The following ZNF488 variants were observed in gnomAD, a reference collection of about 807,000 sequenced individuals.
ZNF488 encodes zinc finger protein 488.
A neutral mutation model predicts 1.2 loss-of-function variants in ZNF488; 1 was observed. The observed-to-expected ratio is 0.86, with a 90% CI of 0.30 to 4.07. The LOEUF (loss-of-function observed/expected upper bound fraction) is 4.07, where lower values mean the gene tolerates loss of function less well. ZNF488 is among the 30% of genes most tolerant of loss of function. ZNF488 has a pLI of 0.18. For synonymous variants in ZNF488, 185 were observed against 190.1 expected, an observed-to-expected ratio of 0.97 and a Z score of 0.22; for missense variants, 450 against 437.9, an observed-to-expected ratio of 1.03 and a Z score of -0.25.
At chr10:47,383,880 A>C (rs547720365) in intron 1 of ZNF488, among the ~76,000 whole-genome samples, 1 of 152,166 alleles carries the variant, frequency 6.6e-6, no homozygotes, top group African/African-American at 2.4e-5. Context: ...TGCTGAAAAA[A>C]CAGGGGGGAG....
At chr10:47,377,285 T>G (rs1555214520) in intron 1 of ZNF488, among the ~76,000 whole-genome samples, 1 of 152,230 alleles carries the variant, frequency 6.6e-6, no homozygotes, top group African/African-American at 2.4e-5. Context: ...TTTGAGAAGC[T>G]GCTTATGTGT....
chr10:47,367,595 C>T lies in ZNF488; in HGVS notation c.*212G>A, dbSNP rs548144684. ...TGTTAGGGCCTCTACCCTGGATTTGCAAAGCCCATCACTTTATTTCAGGAC... is the reference window on the plus strand; with the variant it reads ...TGTTAGGGCCTCTACCCTGGATTTGTAAAGCCCATCACTTTATTTCAGGAC... On this transcript the variant is annotated 3_prime_UTR_variant, in exon 2 of 2. Coordinates refer to ENST00000585316, the MANE Select transcript of ZNF488 (RefSeq NM_153034.4). 12 of 639,926 alleles carry T rather than the reference C, an allele frequency of 1.9e-5. No individual in the cohort carries two copies. The highest frequency in any genetic ancestry group is 1.7e-4 in the African/African-American group (9 of 54,412). 39.6% of individuals were successfully genotyped at this position (639,926 alleles called of 1,614,324 possible).
At chr10:47,375,689 A>G (rs1391717795) in intron 1 of ZNF488, among the ~76,000 whole-genome samples, 11 of 152,220 alleles carry the variant, frequency 7.2e-5, no homozygotes, top group African/African-American at 2.7e-4. Flanking sequence ...ACATATGTTC[A>G]TTGTTCCACT....
chr10:47,383,220 T>A (rs1298315209), intron 1 of ZNF488, among the ~76,000 whole-genome samples: 1 of 152,268 alleles, frequency 6.6e-6, no homozygotes, highest in Admixed American at 6.5e-5. Context: ...TACTTTCAAA[T>A]GCCATAATTA....
At chr10:47,382,848 C>T (rs1477247063) in intron 1 of ZNF488, among the ~76,000 whole-genome samples, 2 of 152,148 alleles carry the variant, frequency 1.3e-5, no homozygotes, top group Non-Finnish European at 2.9e-5. Flanking sequence ...TAATAAACTA[C>T]AATATCATGT....
Position 47,368,634 on chromosome 10 carries a change from C to A in ZNF488, c.196G>T (p.Gly66Cys), listed in dbSNP as rs782703463. ...AGCTCCGCACTGCCCACATCCCGGCCCGCCCTGCCCACAGCAGCCTCAGGG... is the reference window on the plus strand; with the variant it reads ...AGCTCCGCACTGCCCACATCCCGGCACGCCCTGCCCACAGCAGCCTCAGGG... ...LGPEAAVGRA[G>C]RDVGSAELAL... Residue 66 changes from glycine (G) to cysteine (C), a missense_variant, in exon 2 of 2, where the codon GGC (glycine) becomes TGC (cysteine). Transcript: ENST00000585316. 8.1e-6 allele frequency: 13 copies of A among 1,610,496 alleles called. No homozygotes were observed. The African/African-American group carries it at 1.7e-4, about 21-fold the overall frequency.
chr10:47,368,056 C>G lies in ZNF488; in HGVS notation c.774G>C (p.Ser258=). The G allele has an allele frequency of 6.2e-7, 1 of 1,613,922 alleles. No homozygotes were observed. The highest frequency in any genetic ancestry group is 8.5e-7 in the Non-Finnish European group (1 of 1,179,954). The part of the protein sequence containing the change: ...VPPPSSSSTT[S]WALLPPTLTS... ...TGAGGGTGGGTGGCAGGAGGGCCCA[C>G]GAAGTGGTGGAGGATGATGAGGGTG... The change falls in exon 2 of 2, where the codon TCG becomes TCC. Residue 258 remains serine, a synonymous_variant. Transcript: ENST00000585316.
Position 47,366,863 on chromosome 10 carries a change from G to A in ZNF488, c.*944C>T, listed in dbSNP as rs1219625320. ...CCCCGTATTCATATACTCACAATGTGAAGAACTATGGACCAGGTATTGGCT... is the reference window on the plus strand; with the variant it reads ...CCCCGTATTCATATACTCACAATGTAAAGAACTATGGACCAGGTATTGGCT... On this transcript the variant is annotated 3_prime_UTR_variant, in exon 2 of 2. Coordinates refer to ENST00000585316, the MANE Select transcript of ZNF488 (RefSeq NM_153034.4). The A allele has an allele frequency of 1.2e-5, 2 of 167,046 alleles. No individual in the cohort carries two copies. Among genetic ancestry groups the A allele is most frequent in the African/African-American group, 4.8e-5 (2 of 41,426 alleles). 10.3% of individuals were successfully genotyped at this position (167,046 alleles called of 1,614,324 possible). A position where few individuals can be genotyped will look rare whatever the true frequency, so the allele number is the denominator to read the frequency against.
At chr10:47,383,683 T>C (rs919754088) in intron 1 of ZNF488, among the ~76,000 whole-genome samples, 7 of 152,224 alleles carry the variant, frequency 4.6e-5, no homozygotes, top group Non-Finnish European at 1.0e-4. Context: ...GTCCAGATCT[T>C]TGGATATAAT....
Position 47,366,094 on chromosome 10 carries a change from A to C in ZNF488, c.*1713T>G, listed in dbSNP as rs889930667. 2 of 167,100 alleles carry C rather than the reference A, an allele frequency of 1.2e-5. No individual in the cohort carries two copies. The highest frequency in any genetic ancestry group is 2.9e-5 in the Non-Finnish European group (2 of 68,138). The allele number at this position is 167,100 out of a possible 1,614,324, so 10.4% of individuals were successfully genotyped here. The stretch of plus-strand genomic sequence containing the variant: ...TTCCAGGGCTATTGTAGGACTCACT[A>C]TAACATCTGTATTCTTCCAGTGCTT... On this transcript the variant is annotated 3_prime_UTR_variant, in exon 2 of 2. Coordinates refer to ENST00000585316, the MANE Select transcript of ZNF488 (RefSeq NM_153034.4).
intron 1 of ZNF488, among the ~76,000 whole-genome samples, chr10:47,371,740 G>C (rs575925365): frequency 2.3e-4 from 35 of 152,166 alleles, no homozygotes; most frequent in Admixed American, 9.2e-4. Context: ...CTTCAGAGAT[G>C]CTACTTTCCT....
intron 1 of ZNF488, among the ~76,000 whole-genome samples, chr10:47,374,651 A>G (rs1210723747): frequency 2.0e-5 from 3 of 151,986 alleles, no homozygotes; most frequent in Non-Finnish European, 4.4e-5. Flanking sequence ...GGGTAGCCAG[A>G]AAAAAAAGCC....
intron 1 of ZNF488, among the ~76,000 whole-genome samples, chr10:47,378,734 C>T (rs999892523): frequency 5.9e-5 from 9 of 152,208 alleles, no homozygotes; most frequent in Admixed American, 3.9e-4. Flanking sequence ...TAAAACCTCA[C>T]GTTCCCTTTT....
Position 47,368,080 on chromosome 10 carries a change from T to G in ZNF488, c.750A>C (p.Pro250=), listed in dbSNP as rs1588873730. Reference sequence around the variant, plus strand: ...ACGAAGTGGTGGAGGATGATGAGGGTGGGGGCACCTGGGCCTGGGTATGCT... The same window carrying G: ...ACGAAGTGGTGGAGGATGATGAGGGGGGGGGCACCTGGGCCTGGGTATGCT... ...WLEHTQAQVP[P]PSSSSTTSWA... The change falls in exon 2 of 2, where the codon CCA becomes CCC. Residue 250 remains proline, a synonymous_variant. Coordinates refer to ENST00000585316, the MANE Select transcript of ZNF488 (RefSeq NM_153034.4). 6.2e-7 allele frequency: 1 copy of G among 1,613,710 alleles called. No individual in the cohort carries two copies. Among genetic ancestry groups the G allele is most frequent in the South Asian group, 1.1e-5 (1 of 91,058 alleles).
Position 47,368,021 on chromosome 10 carries a change from C to T in ZNF488, c.809G>A (p.Gly270Asp). 1 of 1,614,074 alleles carries T rather than the reference C, an allele frequency of 6.2e-7. No homozygotes were observed. The highest frequency in any genetic ancestry group is 8.5e-7 in the Non-Finnish European group (1 of 1,180,008). Reference protein sequence around the residue: ...ALLPPTLTSLGLSTQNWCAKC... With the variant: ...ALLPPTLTSLDLSTQNWCAKC... Reference sequence around the variant, plus strand: ...TGCACACCAGTTCTGGGTGGACAAGCCCAGGGAGGTGAGGGTGGGTGGCAG... The same window carrying T: ...TGCACACCAGTTCTGGGTGGACAAGTCCAGGGAGGTGAGGGTGGGTGGCAG... Residue 270 changes from glycine (G) to aspartate (D), a missense_variant, in exon 2 of 2, where the codon GGC (glycine) becomes GAC (aspartate). Gly to Asp is a moderately conservative substitution (Grantham distance 94). Coordinates refer to ENST00000585316, the MANE Select transcript of ZNF488 (RefSeq NM_153034.4).
At chr10:47,373,396 T>A (rs1300263357) in intron 1 of ZNF488, among the ~76,000 whole-genome samples, 2 of 152,134 alleles carry the variant, frequency 1.3e-5, no homozygotes, top group Non-Finnish European at 2.9e-5. Context: ...AGAAGCAAAT[T>A]AAAACAGAAA....
intron 1 of ZNF488, among the ~76,000 whole-genome samples, chr10:47,376,002 A>G (rs980543045): frequency 2.0e-5 from 3 of 152,230 alleles, no homozygotes; most frequent in Admixed American, 1.3e-4. Context: ...GTAAGATCAC[A>G]TGGTCTAGCC....
chr10:47,368,943 G>A lies in ZNF488; in HGVS notation c.-108-6C>T. 3 of 1,299,918 alleles carry A rather than the reference G, an allele frequency of 2.3e-6. No individual in the cohort carries two copies. The highest frequency in any genetic ancestry group is 1.4e-5 in the South Asian group (1 of 69,356). 80.5% of individuals were successfully genotyped at this position (1,299,918 alleles called of 1,614,324 possible). A position where few individuals can be genotyped will look rare whatever the true frequency, so the allele number is the denominator to read the frequency against. Reference sequence around the variant, plus strand: ...ACACACTCGGCCACAGGGCCCTGCAGAGAGAGGAAGCGACAGGCAGTGAGA... The same window carrying A: ...ACACACTCGGCCACAGGGCCCTGCAAAGAGAGGAAGCGACAGGCAGTGAGA... On this transcript the variant is annotated splice_region_variant and splice_polypyrimidine_tract_variant and intron_variant, in intron 1 of 1. Transcript: ENST00000585316.
At chr10:47,374,110 T>C (rs1837583807) in intron 1 of ZNF488, among the ~76,000 whole-genome samples, 1 of 152,224 alleles carries the variant, frequency 6.6e-6, no homozygotes, top group Non-Finnish European at 1.5e-5. Flanking sequence ...TAGATGGCCT[T>C]GGGCAGGTCC....
Sources: gnomAD v4.1 joint callset for allele counts (sites outside exome capture counted in the v4.1 genomes callset) on GRCh38, gnomAD v4.1.1 for gene constraint, MANE v1.5 for transcripts, NCBI Gene and HGNC (gene_info 2026-07-23, HGNC 2026-07-21) for gene names.